Variants in CPED1 observed in about 807,000 individuals in gnomAD.
The protein encoded by CPED1 is cadherin-like and PC-esterase domain-containing protein 1.
A neutral mutation model predicts 128.2 loss-of-function variants in CPED1; 114 were observed. The ratio of observed to expected loss-of-function variants is 0.89; its 90% CI spans 0.76 to 1.04. The LOEUF is 1.04. Ranked by LOEUF, CPED1 falls within the 50% of genes least tolerant of loss-of-function variation. CPED1 has a pLI of 0.00. For synonymous variants in CPED1, 462 were observed against 426.7 expected (o/e 1.08, Z -1.02); for missense variants, 1,211 against 1,207.1 (o/e 1.00, Z -0.05).
chr7:121,152,388 T>C (rs1158215292), intron 16 of CPED1, among the ~76,000 whole-genome samples: 1 of 152,174 alleles, frequency 6.6e-6, no homozygotes, highest in Admixed American at 6.5e-5. Flanking sequence ...CTTTCAAAGG[T>C]TTAAGAAATA....
At chr7:121,161,709 TG>T (rs1446266873) in intron 16 of CPED1, among the ~76,000 whole-genome samples, 1 of 152,112 alleles carries the variant, frequency 6.6e-6, no homozygotes, top group Non-Finnish European at 1.5e-5. Context: ...TACATTTCCC[TG>T]GGGGAAAGCT....
intron 16 of CPED1, among the ~76,000 whole-genome samples, chr7:121,154,062 G>T (rs1305819680): frequency 6.6e-6 from 1 of 152,164 alleles, no homozygotes. Context: ...ATAAACAAAT[G>T]TGAAGATGAA....
rs529292905 is a variant in CPED1 at position 121,089,297 on chromosome 7, ATAT to A, written c.617-8398_617-8396del. ...ATTCTTACCTCCTTTTGGGAGTCAG[ATAT>A]TATAAAAATCTTGATATTTTAAATA... is the stretch of plus-strand genomic sequence containing the variant. On this transcript the variant is annotated intron_variant, in intron 5 of 22. Coordinates refer to ENST00000310396, the MANE Select transcript of CPED1 (RefSeq NM_024913.5). 9.8e-5 allele frequency among the ~76,000 whole-genome samples: 15 copies of A among 152,296 alleles called. No individual in the cohort carries two copies. In the South Asian group the frequency reaches 2.7e-3, roughly 27 times the overall value.
chr7:121,273,460 T>C (rs936236240), intron 22 of CPED1, among the ~76,000 whole-genome samples: 6 of 151,808 alleles, frequency 4.0e-5, no homozygotes, highest in Non-Finnish European at 7.4e-5. Flanking sequence ...AAGTAGAGGT[T>C]GCAATGAGCT....
At chr7:121,060,946 C>CG (rs1270941711) in intron 4 of CPED1, among the ~76,000 whole-genome samples, 2 of 152,062 alleles carry the variant, frequency 1.3e-5, no homozygotes. Flanking sequence ...ACGAGCCCCC[C>CG]GGGAGGAACG....
At chr7:121,120,734 C>G (rs896180830) in intron 7 of CPED1, among the ~76,000 whole-genome samples, 1 of 151,992 alleles carries the variant, frequency 6.6e-6, no homozygotes, top group Non-Finnish European at 1.5e-5. Flanking sequence ...GGTTTTATTA[C>G]AAGACACCAG....
At chr7:121,109,657 T>A (rs980104258) in intron 7 of CPED1, among the ~76,000 whole-genome samples, 5 of 152,202 alleles carry the variant, frequency 3.3e-5, no homozygotes, top group African/African-American at 1.2e-4. Context: ...TGGTAGAAAT[T>A]TCTAGTAGAA....
chr7:121,027,585 T>C (rs1341928135), intron 3 of CPED1, among the ~76,000 whole-genome samples: 1 of 152,000 alleles, frequency 6.6e-6, no homozygotes, highest in African/African-American at 2.4e-5. Context: ...TGAAATGTGC[T>C]CAGGGCTGTG....
intron 16 of CPED1, among the ~76,000 whole-genome samples, chr7:121,158,720 C>T (rs980307349): frequency 3.9e-5 from 6 of 151,956 alleles, no homozygotes; most frequent in African/African-American, 1.5e-4. Context: ...AACCATCTAG[C>T]CCTTAAAAAG....
At chr7:121,272,166 C>A (rs996644041) in intron 22 of CPED1, among the ~76,000 whole-genome samples, 2 of 152,060 alleles carry the variant, frequency 1.3e-5, no homozygotes, top group Admixed American at 1.3e-4. Flanking sequence ...TCATTTCCAT[C>A]CCCCAGCTTA....
intron 22 of CPED1, among the ~76,000 whole-genome samples, chr7:121,280,310 C>T (rs1792435983): frequency 6.6e-6 from 1 of 152,148 alleles, no homozygotes; most frequent in Non-Finnish European, 1.5e-5. Context: ...GTCTGGGGAA[C>T]TGCATGAGAC....
intron 7 of CPED1, among the ~76,000 whole-genome samples, chr7:121,117,903 C>T (rs1300481326): frequency 7.3e-6 from 1 of 137,684 alleles, no homozygotes; most frequent in African/African-American, 2.7e-5. Flanking sequence ...GATGGTTACT[C>T]AAAGGTGAAA....
At chr7:121,243,982 A>G (rs1205917424) in intron 17 of CPED1, among the ~76,000 whole-genome samples, 9 of 152,212 alleles carry the variant, frequency 5.9e-5, no homozygotes, top group Admixed American at 5.9e-4. Context: ...CAGAGCTCAT[A>G]CTTGATTTTA....
intron 16 of CPED1, among the ~76,000 whole-genome samples, chr7:121,220,317 G>C (rs916067174): frequency 4.0e-5 from 6 of 151,894 alleles, no homozygotes; most frequent in Non-Finnish European, 5.9e-5. Flanking sequence ...AATGGTCATG[G>C]TTTCACCCAG....
intron 16 of CPED1, among the ~76,000 whole-genome samples, chr7:121,172,395 T>TA (rs1242605589): frequency 2.0e-5 from 3 of 151,088 alleles, no homozygotes; most frequent in African/African-American, 7.4e-5. Context: ...TTTTTTTTTT[T>TA]ATTTTGATGT....
At chr7:121,148,357 T>G (rs1036700739) in intron 16 of CPED1, among the ~76,000 whole-genome samples, 2 of 152,192 alleles carry the variant, frequency 1.3e-5, no homozygotes, top group African/African-American at 4.8e-5. Context: ...GTAGAACTTT[T>G]GTTATGTGCC....
chr7:121,118,735 T>C (rs1729222429), intron 7 of CPED1, among the ~76,000 whole-genome samples: 1 of 152,136 alleles, frequency 6.6e-6, no homozygotes, highest in Non-Finnish European at 1.5e-5. Flanking sequence ...AGGCATCTGC[T>C]CAGCTTCTGG....
chr7:121,140,923 A>C lies in CPED1; in HGVS notation c.1796A>C (p.Glu599Ala). The change falls in exon 15 of 23, where the codon GAA becomes GCA. Residue 599 changes from glutamate to alanine, a missense_variant. By Grantham distance (107) the Glu-to-Ala change is moderately radical. Coordinates refer to ENST00000310396, the MANE Select transcript of CPED1 (RefSeq NM_024913.5). ...FHPKIKDYYC[E>A]VPFDVVTVTI... ...CCAAAGATCAAAGATTATTACTGTG[A>C]AGTCCCATTTGATGTGGTAACAGTG... The C allele has an allele frequency of 6.2e-7, 1 of 1,612,634 alleles. No homozygotes were observed.
At chr7:121,019,474 G>A (rs1792383666) in intron 3 of CPED1, among the ~76,000 whole-genome samples, 1 of 152,020 alleles carries the variant, frequency 6.6e-6, no homozygotes, top group African/African-American at 2.4e-5. Flanking sequence ...ACAGCCACAA[G>A]TAATTCTTAT....
Sources: gnomAD v4.1 joint callset for allele counts (sites outside exome capture counted in the v4.1 genomes callset) on GRCh38, gnomAD v4.1.1 for gene constraint, MANE v1.5 for transcripts, NCBI Gene and HGNC (gene_info 2026-07-23, HGNC 2026-07-21) for gene names.